Variants in PSMB8 observed in about 807,000 individuals in gnomAD.
PSMB8 encodes proteasome subunit beta type-8.
In PSMB8, 20 loss-of-function variants were observed where a neutral mutation model predicts 32.3. That is an observed-to-expected ratio of 0.62 (90% CI 0.44 to 0.90). PSMB8 has a LOEUF of 0.90. PSMB8 is among the 40% of genes least tolerant of loss of function. The pLI is 0.00. For synonymous variants in PSMB8, 131 were observed against 135.4 expected (o/e 0.97, Z 0.23); for missense variants, 342 against 365.4 (o/e 0.94, Z 0.52).
chr6:32,843,193 G>A lies in PSMB8; in HGVS notation c.148-104C>T, dbSNP rs1770044058. The stretch of plus-strand genomic sequence containing the variant: ...TGAGGGTGAGGAGATATGCAGAAAT[G>A]ATCTAACCATCAATAAATGAAACAG... On this transcript the variant is annotated intron_variant, in intron 1 of 5. Transcript: ENST00000374882. 4 of 1,275,730 alleles carry A rather than the reference G, an allele frequency of 3.1e-6. No homozygotes were observed. In the African/African-American group the frequency reaches 5.9e-5, roughly 19 times the overall value. The allele number at this position is 1,275,730 out of a possible 1,614,324, so 79.0% of individuals were successfully genotyped here.
At chr6:32,842,087 T>C in intron 4 of PSMB8, 47 bp downstream of exon 4, 3 of 1,612,822 alleles carry the variant, frequency 1.9e-6, no homozygotes, top group Non-Finnish European at 8.5e-7. Context: ...AGATCTGTCA[T>C]CCATAGGGAA....
chr6:32,844,466 C>T (rs1723781887), upstream of PSMB8: 4 of 1,608,640 alleles, frequency 2.5e-6, no homozygotes, highest in South Asian at 3.3e-5. Flanking sequence ...GTCTTGGAAA[C>T]AGGTCCTGGG....
chr6:32,841,523 T>C lies in PSMB8; in HGVS notation c.742+8A>G. 2 of 1,611,470 alleles carry C rather than the reference T, an allele frequency of 1.2e-6. No individual in the cohort carries two copies. The highest frequency in any genetic ancestry group is 1.3e-5 in the African/African-American group (1 of 74,984). On this transcript the variant is annotated splice_region_variant and intron_variant, in intron 5 of 5. Transcript: ENST00000374882. ...CCAGGCATGGTGGTGGGAGCATTGG[T>C]CTCTTACTATTGACAACGCCTCCAG...
chr6:32,843,800 C>T (rs1770101842), intron 1 of PSMB8, 50 bp downstream of exon 1: 1 of 1,606,926 alleles, frequency 6.2e-7, no homozygotes, highest in Non-Finnish European at 8.5e-7. Context: ...ACCCTCCACT[C>T]CTCAGCGCCC....
intron 3 of PSMB8, 141 bp from the exon 4 acceptor site, chr6:32,842,404 G>C: frequency 8.0e-7 from 1 of 1,256,424 alleles, no homozygotes; most frequent in Non-Finnish European, 1.1e-6. Context: ...GGAATTTAAA[G>C]TATCTGAAAC....
intron 5 of PSMB8, among the ~76,000 whole-genome samples, chr6:32,841,297 G>A (rs760418657): frequency 1.7e-4 from 26 of 152,136 alleles, no homozygotes; most frequent in Non-Finnish European, 3.1e-4. Flanking sequence ...GAATGCAGTG[G>A]CGCCATCTTG....
chr6:32,841,556 G>A lies in PSMB8; in HGVS notation c.717C>T (p.Asp239=). Residue 239 remains aspartate (D), a synonymous_variant, in exon 5 of 6, where the codon GAC becomes GAT. Transcript: ENST00000374882. ...TATTGACAACGCCTCCAGAATAGCT[G>A]TCTCTGTGAGTGGCATAAGCAATAG... ...RRAIAYATHR[D]SYSGGVVNMY... 1 of 1,612,790 alleles carries A rather than the reference G, an allele frequency of 6.2e-7. No homozygotes were observed. Among genetic ancestry groups the A allele is most frequent in the South Asian group, 1.1e-5 (1 of 91,072 alleles).
In PSMB8 at chr6:32,844,034, G is replaced by A. The variant is rs959314733; in HGVS notation, c.-38C>T. On this transcript the variant is annotated 5_prime_UTR_variant, in exon 1 of 6. Coordinates refer to ENST00000374882, the MANE Select transcript of PSMB8 (RefSeq NM_148919.4). ...CCCAGAGATCTGTCCGCTCTCGGAG[G>A]AGGAAGTGAAAGCGAAAGCCACAGA... 2 of 1,602,356 alleles carry A rather than the reference G, an allele frequency of 1.2e-6. No individual in the cohort carries two copies. Among genetic ancestry groups the A allele is most frequent in the Non-Finnish European group, 1.7e-6 (2 of 1,173,120 alleles).
chr6:32,842,743 G>A lies in PSMB8; in HGVS notation c.336C>T (p.Tyr112=). The A allele has an allele frequency of 1.9e-6, 3 of 1,614,222 alleles. No individual in the cohort carries two copies. Among genetic ancestry groups the A allele is most frequent in the Non-Finnish European group, 2.5e-6 (3 of 1,180,034 alleles). ...CACAGCCAGACATGGTGCCAAGCAG[G>A]TAAGGGTTAATCTCAATCACCTTGT... ...RVNKVIEINP[Y]LLGTMSGCAA... is the part of the protein sequence containing the mutation. The change falls in exon 3 of 6, where the codon TAC becomes TAT. Residue 112 remains tyrosine (Y), a synonymous_variant. Coordinates refer to ENST00000374882, the MANE Select transcript of PSMB8 (RefSeq NM_148919.4).
Position 32,841,596 on chromosome 6 carries a change from T to C in PSMB8, c.677A>G (p.Asp226Gly), listed in dbSNP as rs1769906861. ...ATAAGCAATAGCCCTGCGGCCAAGGTCATAGGCCTCTTCAGGGCTAAGATT... is the reference window on the plus strand; with the variant it reads ...ATAAGCAATAGCCCTGCGGCCAAGGCCATAGGCCTCTTCAGGGCTAAGATT... ...RPNLSPEEAY[D>G]LGRRAIAYAT... Residue 226 changes from aspartate (D) to glycine (G), a missense_variant, in exon 5 of 6, where the codon GAC becomes GGC. Transcript: ENST00000374882. 3 of 1,613,030 alleles carry C rather than the reference T, an allele frequency of 1.9e-6. No individual in the cohort carries two copies. Among genetic ancestry groups the C allele is most frequent in the Non-Finnish European group, 2.5e-6 (3 of 1,180,026 alleles).
At chr6:32,844,184 C>T (rs540763165), upstream of PSMB8, 11 of 1,545,520 alleles carry the variant, frequency 7.1e-6, no homozygotes, top group Admixed American at 2.1e-4. Context: ...TTATGGGGGT[C>T]GGGGGAATGA....
chr6:32,841,558 C>T lies in PSMB8; in HGVS notation c.715G>A (p.Asp239Asn), dbSNP rs1554238810. 4 of 1,612,830 alleles carry T rather than the reference C, an allele frequency of 2.5e-6. No homozygotes were observed. The highest frequency in any genetic ancestry group is 2.2e-5 in the East Asian group (1 of 44,886). Residue 239 changes from aspartate (D) to asparagine (N), a missense_variant, in exon 5 of 6, where the codon GAC (aspartate) becomes AAC (asparagine). Transcript: ENST00000374882. ...TTGACAACGCCTCCAGAATAGCTGT[C>T]TCTGTGAGTGGCATAAGCAATAGCC... ...RRAIAYATHR[D>N]SYSGGVVNMY...
rs1769851069 is a variant in PSMB8 at position 32,840,831 on chromosome 6, G to T, written c.*128C>A. 3.9e-6 allele frequency: 3 copies of T among 762,694 alleles called. No individual in the cohort carries two copies. The highest frequency in any genetic ancestry group is 5.3e-5 in the East Asian group (2 of 37,458). 47.2% of individuals were successfully genotyped at this position (762,694 alleles called of 1,614,324 possible). The stretch of plus-strand genomic sequence containing the variant: ...AGATGCACTTCACCGGCCTCCTCTG[G>T]CTGCTGAGCCCGTACTCTCTCTTTG... On this transcript the variant is annotated 3_prime_UTR_variant, in exon 6 of 6. Transcript: ENST00000374882.
In PSMB8 at chr6:32,840,855, T is replaced by C; in HGVS notation, c.*104A>G. Reference sequence around the variant, plus strand: ...GGCTGCTGAGCCCGTACTCTCTCTTTGGCTCAGGCTAGGCCTCTTCTTCTC... The same window carrying C: ...GGCTGCTGAGCCCGTACTCTCTCTTCGGCTCAGGCTAGGCCTCTTCTTCTC... On this transcript the variant is annotated 3_prime_UTR_variant, in exon 6 of 6. Transcript: ENST00000374882. 2.1e-6 allele frequency: 2 copies of C among 948,746 alleles called. No homozygotes were observed. The highest frequency in any genetic ancestry group is 3.4e-6 in the Non-Finnish European group (2 of 588,716). 58.8% of individuals were successfully genotyped at this position (948,746 alleles called of 1,614,324 possible).
chr6:32,844,214 A>G (rs1200949067), upstream of PSMB8: 2 of 1,595,080 alleles, frequency 1.3e-6, no homozygotes, highest in Non-Finnish European at 1.7e-6. Context: ...GGTCTTCCGA[A>G]GAAAGCGAGA....
rs1471559354 is a variant in PSMB8 at position 32,841,585 on chromosome 6, T to C, written c.688A>G (p.Arg230Gly). 4 of 1,613,056 alleles carry C rather than the reference T, an allele frequency of 2.5e-6. No homozygotes were observed. The highest frequency in any genetic ancestry group is 2.5e-6 in the Non-Finnish European group (3 of 1,180,026). Residue 230 changes from arginine to glycine, a missense_variant, in exon 5 of 6, where the codon AGG (arginine) becomes GGG (glycine). Coordinates refer to ENST00000374882, the MANE Select transcript of PSMB8 (RefSeq NM_148919.4). ...CTGTGAGTGGCATAAGCAATAGCCC[T>C]GCGGCCAAGGTCATAGGCCTCTTCA... ...SPEEAYDLGR[R>G]AIAYATHRDS...
upstream of PSMB8, chr6:32,844,612 C>G: frequency 1.6e-6 from 1 of 619,776 alleles, no homozygotes; most frequent in Non-Finnish European, 2.8e-6. Flanking sequence ...TAGTCACCCA[C>G]AAGAGCGTGC....
intron 2 of PSMB8, 72 bp downstream of exon 2, chr6:32,842,870 T>C: frequency 6.2e-7 from 1 of 1,611,834 alleles, no homozygotes. Context: ...TCCACTTTGT[T>C]GCAGAGTTGG....
At chr6:32,843,772 G>GCCT in intron 1 of PSMB8, 78 bp downstream of exon 1, 2 of 1,571,552 alleles carry the variant, frequency 1.3e-6, no homozygotes, top group Non-Finnish European at 8.7e-7. Flanking sequence ...TCCCGCTCTC[G>GCCT]CCTCCTCCTC....
Sources: gnomAD v4.1 joint callset for allele counts (sites outside exome capture counted in the v4.1 genomes callset) on GRCh38, gnomAD v4.1.1 for gene constraint, MANE v1.5 for transcripts, NCBI Gene and HGNC (gene_info 2026-07-23, HGNC 2026-07-21) for gene names.